Variants in RSRP1 observed in about 807,000 individuals in gnomAD.
The protein encoded by RSRP1 is arginine/serine-rich protein 1.
A neutral mutation model predicts 33.0 loss-of-function variants in RSRP1; 37 were observed. The ratio of observed to expected loss-of-function variants is 1.12; its 90% CI spans 0.86 to 1.48. The LOEUF (loss-of-function observed/expected upper bound fraction) is 1.48, where lower values mean the gene tolerates loss of function less well. RSRP1 is among the 40% of genes most tolerant of loss of function. The probability of loss-of-function intolerance (pLI) is 0.00; values close to 1 mark genes in which losing one functional copy is unlikely to be tolerated. For synonymous variants in RSRP1, 167 were observed against 158.7 expected, an observed-to-expected ratio of 1.05 and a Z score of -0.40; for missense variants, 402 against 385.3, an observed-to-expected ratio of 1.04 and a Z score of -0.36.
Position 25,290,820 on chromosome 1 carries a change from T to C in RSRP1, c.-66-43791A>G. ...AGTCATGGTGCTGGGAGGAGGGACC[T>C]GGGAGAAAAGGGCCAAAAGCTCCAT... is the stretch of plus-strand genomic sequence containing the variant. On this transcript the variant is annotated intron_variant, in intron 1 of 1. Coordinates refer to the RSRP1 transcript ENST00000561867. 3.6e-6 allele frequency: 5 copies of C among 1,374,410 alleles called. 1 individual carries two copies. Among genetic ancestry groups the C allele is most frequent in the Non-Finnish European group, 4.1e-6 (4 of 976,298 alleles). 85.1% of individuals were successfully genotyped at this position (1,374,410 alleles called of 1,614,324 possible).
intron 2 of RSRP1, chr1:25,245,949 T>C (rs1446770097): frequency 6.3e-6 from 1 of 157,802 alleles, no homozygotes; most frequent in Admixed American, 6.2e-5. Flanking sequence ...GTGAGCTATG[T>C]TGGCCAGGCT....
chr1:25,306,501 C>A lies in RSRP1; in HGVS notation c.-67+31477G>T, dbSNP rs41310401. The A allele has an allele frequency of 4.1e-3, 4,808 of 1,183,942 alleles. 1,080 individuals are homozygous for A. The highest frequency in any genetic ancestry group is 9.5e-3 in the South Asian group (775 of 81,392). 73.3% of individuals were successfully genotyped at this position (1,183,942 alleles called of 1,614,324 possible). A position where few individuals can be genotyped will look rare whatever the true frequency, so the allele number is the denominator to read the frequency against. ...GAGGTGAGCCTTAGTGCCCATCCCC[C>A]TTTGGTGGCCCCGGATACCAAGGGT... On this transcript the variant is annotated intron_variant, in intron 1 of 1. Transcript: ENST00000561867.
intron 1 of RSRP1, among the ~76,000 whole-genome samples, chr1:25,264,185 C>G (rs1309675479): frequency 6.6e-6 from 1 of 151,868 alleles, no homozygotes. Context: ...TCTGGAGGAC[C>G]TCTTCTCACA....
upstream of RSRP1, among the ~76,000 whole-genome samples, chr1:25,248,790 G>A (rs147743174): frequency 6.6e-6 from 1 of 152,172 alleles, no homozygotes; most frequent in East Asian, 1.9e-4. Flanking sequence ...AGACAGTGAA[G>A]ATACAATGCC....
intron 1 of RSRP1, among the ~76,000 whole-genome samples, chr1:25,257,070 T>G (rs1193919320): frequency 1.3e-5 from 2 of 152,204 alleles, no homozygotes; most frequent in East Asian, 3.8e-4. Context: ...TATATTACTT[T>G]TATTCCTAAA....
intron 1 of RSRP1, among the ~76,000 whole-genome samples, chr1:25,316,488 C>T (rs537070784): frequency 0.02 from 2,431 of 119,422 alleles, 104 homozygotes; most frequent in African/African-American, 0.063. Flanking sequence ...GGTATGGTGG[C>T]GCATGCCTGT....
At chr1:25,297,899 C>G (rs1250192764) in intron 1 of RSRP1, among the ~76,000 whole-genome samples, 1 of 131,594 alleles carries the variant, frequency 7.6e-6, no homozygotes, top group Admixed American at 7.4e-5. Context: ...CTCAGGAGGG[C>G]ACTAGAACTG....
At chr1:25,309,737 T>C (rs1372024339) in intron 1 of RSRP1, among the ~76,000 whole-genome samples, 3 of 131,586 alleles carry the variant, frequency 2.3e-5, no homozygotes, top group Admixed American at 7.4e-5. Flanking sequence ...CTTGGTTCAC[T>C]TCCCTAACCT....
intron 1 of RSRP1, chr1:25,284,536 T>A (rs777911114): frequency 7.3e-7 from 1 of 1,378,614 alleles, no homozygotes; most frequent in East Asian, 2.2e-5. Context: ...CTCGTCTGCT[T>A]CCCCCTCGTC....
At chr1:25,286,032 G>A (rs1641957105) in intron 1 of RSRP1, among the ~76,000 whole-genome samples, 1 of 135,208 alleles carries the variant, frequency 7.4e-6, no homozygotes, top group Non-Finnish European at 1.8e-5. Flanking sequence ...GCTCAGAGAG[G>A]GCAAGGCACT....
At position 25,312,981 on chromosome 1, in the gene RSRP1, G is replaced by A. The variant is rs1229605247; in HGVS notation, c.-67+24997C>T. 2.1e-5 allele frequency among the ~76,000 whole-genome samples: 2 copies of A among 95,542 alleles called. 1 individual carries two copies. Among genetic ancestry groups the A allele is most frequent in the Non-Finnish European group, 4.6e-5 (2 of 43,178 alleles). 62.7% of individuals were successfully genotyped at this position (95,542 alleles called of 152,430 possible). A position where few individuals can be genotyped will look rare whatever the true frequency, so the allele number is the denominator to read the frequency against. On this transcript the variant is annotated intron_variant, in intron 1 of 1. Coordinates refer to the RSRP1 transcript ENST00000561867. The stretch of plus-strand genomic sequence containing the variant: ...CTTTAGTGCTATTGGAATGAATTTT[G>A]CATGTAAGAAGGACATGCATTTTGG...
Position 25,246,995 on chromosome 1 carries a change from C to T in RSRP1, c.-32G>A, listed in dbSNP as rs748294615. ...CTGCGGCTTTAGCCTGCGCTTTCTC[C>T]GGAAAGGATCCCGCAAGCCTCAACT... On this transcript the variant is annotated 5_prime_UTR_variant, in exon 2 of 5. Coordinates refer to ENST00000243189, the MANE Select transcript of RSRP1 (RefSeq NM_020317.5). The T allele has an allele frequency of 3.9e-6, 6 of 1,521,510 alleles. No homozygotes were observed. In the African/African-American group the frequency reaches 7.0e-5, roughly 18 times the overall value. The allele number at this position is 1,521,510 out of a possible 1,614,324, so 94.3% of individuals were successfully genotyped here.
At position 25,278,159 on chromosome 1, in the gene RSRP1, G is replaced by A. The variant is rs866456106; in HGVS notation, c.-66-31130C>T. Reference sequence around the variant, plus strand: ...CAGGGGCAGTGGAGGAGATTCTAGAGATATTTAGGAGATAAGTCAGCTGTA... The same window carrying A: ...CAGGGGCAGTGGAGGAGATTCTAGAAATATTTAGGAGATAAGTCAGCTGTA... On this transcript the variant is annotated intron_variant, in intron 1 of 1. Transcript: ENST00000561867. 1.1e-4 allele frequency among the ~76,000 whole-genome samples: 14 copies of A among 129,850 alleles called. 3 individuals are homozygous for A. The highest frequency in any genetic ancestry group is 4.2e-3 in the Middle Eastern group (1 of 238). 85.2% of individuals were successfully genotyped at this position (129,850 alleles called of 152,430 possible).
chr1:25,336,588 G>C (rs1171755257), intron 1 of RSRP1: 2 of 148,554 alleles, frequency 1.3e-5, no homozygotes, highest in Non-Finnish European at 2.9e-5. Flanking sequence ...ATCATGTTAA[G>C]GCCAGAAAAG....
intron 1 of RSRP1, among the ~76,000 whole-genome samples, chr1:25,263,846 T>C (rs1338588109): frequency 2.6e-5 from 4 of 152,102 alleles, no homozygotes; most frequent in Non-Finnish European, 5.9e-5. Context: ...AGTTACTTCC[T>C]AGATACAATG....
rs573443769 is a variant in RSRP1 at position 25,329,145 on chromosome 1, C to T, written c.-67+8833G>A. 8.0e-5 allele frequency: 86 copies of T among 1,076,738 alleles called. 6 individuals are homozygous for T. In the East Asian group the frequency reaches 1.9e-3, roughly 24 times the overall value. 66.7% of individuals were successfully genotyped at this position (1,076,738 alleles called of 1,614,324 possible). A position where few individuals can be genotyped will look rare whatever the true frequency, so the allele number is the denominator to read the frequency against. On this transcript the variant is annotated intron_variant, in intron 1 of 1. Transcript: ENST00000561867. ...GTAGAATACAACAATAAAATACAGC[C>T]ATGTACCACATAACAACATCTTGGT...
chr1:25,314,043 G>A lies in RSRP1; in HGVS notation c.-67+23935C>T, dbSNP rs1445785132. ...ATGAATATTCTAGTATTGCTCCTAT[G>A]AACATTCTAGCACTTTTATTTTTGG... On this transcript the variant is annotated intron_variant, in intron 1 of 1. Coordinates refer to the RSRP1 transcript ENST00000561867. Among the ~76,000 whole-genome samples the A allele has an allele frequency of 3.0e-5, 4 of 132,898 alleles. No homozygotes were observed. The East Asian group carries it at 7.8e-4, about 26-fold the overall frequency. 87.2% of individuals were successfully genotyped at this position (132,898 alleles called of 152,430 possible). A position where few individuals can be genotyped will look rare whatever the true frequency, so the allele number is the denominator to read the frequency against.
At position 25,332,060 on chromosome 1, in the gene RSRP1, A is replaced by G. The variant is rs1200841526; in HGVS notation, c.-67+5918T>C. ...CAGCAGATTTTTTTTTTTTTTTTTG[A>G]GATGGAGTCTTGCTCTGTTGCCCAA... On this transcript the variant is annotated intron_variant, in intron 1 of 1. Transcript: ENST00000561867. Among the ~76,000 whole-genome samples, 3 of 96,060 alleles carry G rather than the reference A, an allele frequency of 3.1e-5. 1 individual carries two copies. Among genetic ancestry groups the G allele is most frequent in the Non-Finnish European group, 6.9e-5 (3 of 43,726 alleles). The allele number at this position is 96,060 out of a possible 152,430, so 63.0% of individuals were successfully genotyped here. A position where few individuals can be genotyped will look rare whatever the true frequency, so the allele number is the denominator to read the frequency against.
In RSRP1 at chr1:25,307,210, T is replaced by C. The variant is rs1571696035; in HGVS notation, c.-67+30768A>G. ...GATTTAATAAGCTAATGCAGGGACA[T>C]GCTAAGCACAACCCATCCCTGAGGC... On this transcript the variant is annotated intron_variant, in intron 1 of 1. Coordinates refer to the RSRP1 transcript ENST00000561867. Among the ~76,000 whole-genome samples, 3 of 131,942 alleles carry C rather than the reference T, an allele frequency of 2.3e-5. No homozygotes were observed. In the South Asian group the frequency reaches 7.0e-4, roughly 31 times the overall value. 86.6% of individuals were successfully genotyped at this position (131,942 alleles called of 152,430 possible).
Sources: allele counts gnomAD v4.1 joint callset (sites outside exome capture counted in the v4.1 genomes callset), GRCh38; gene constraint gnomAD v4.1.1; transcripts MANE v1.5; gene names NCBI Gene and HGNC (gene_info 2026-07-23, HGNC 2026-07-21).